MYBPHL: variants seen among roughly 807,000 people sequenced by gnomAD.
MYBPHL encodes myosin-binding protein H-like.
A neutral mutation model predicts 39.5 loss-of-function variants in MYBPHL; 32 were observed. The observed-to-expected ratio is 0.81, with a 90% CI of 0.61 to 1.09. The LOEUF (loss-of-function observed/expected upper bound fraction) is 1.09, where lower values mean the gene tolerates loss of function less well. MYBPHL is among the 50% of genes least tolerant of loss of function. The probability of loss-of-function intolerance (pLI) is 0.00; values close to 1 mark genes in which losing one functional copy is unlikely to be tolerated. For missense variants in MYBPHL, 456 were observed against 460.2 expected, an observed-to-expected ratio of 0.99 and a Z score of 0.08; for synonymous variants, 196 against 183.7, an observed-to-expected ratio of 1.07 and a Z score of -0.54.
In MYBPHL at chr1:109,296,361, T is replaced by G. The variant is rs1263627101; in HGVS notation, c.740A>C (p.Tyr247Ser). 6 of 1,613,916 alleles carry G rather than the reference T, an allele frequency of 3.7e-6. No homozygotes were observed. The South Asian group carries it at 6.6e-5, about 18-fold the overall frequency. ...LAHIQKAATV[Y>S]KTKGFAQRDF... is the part of the protein sequence containing the mutation. ...TCGTTGGGCAAACCCCTTGGTCTTG[T>G]AAACAGTAGCTGAGGGCACCAAGAG... Residue 247 changes from tyrosine to serine, a missense_variant, in exon 6 of 9, where the codon TAC (tyrosine) becomes TCC (serine). Tyr to Ser is a moderately radical substitution (Grantham distance 144, BLOSUM62 -2). Transcript: ENST00000357155.
intron 8 of MYBPHL, chr1:109,292,968 T>C (rs1485255778): frequency 6.6e-6 from 1 of 152,234 alleles, no homozygotes; most frequent in Non-Finnish European, 1.5e-5. Context: ...TGAGCTGAGC[T>C]GTCTTTTGCC....
At chr1:109,298,601 GGT>G (rs1658172771) in intron 1 of MYBPHL, among the ~76,000 whole-genome samples, 1 of 152,074 alleles carries the variant, frequency 6.6e-6, no homozygotes, top group Non-Finnish European at 1.5e-5. Context: ...AGACCAGCCT[GGT>G]CTGTGTGGTT....
intron 1 of MYBPHL, among the ~76,000 whole-genome samples, chr1:109,301,005 T>C (rs1482390997): frequency 6.6e-6 from 1 of 151,874 alleles, no homozygotes; most frequent in East Asian, 1.9e-4. Context: ...CAGGAGAGAG[T>C]GTGGCAGCTT....
At chr1:109,293,151 T>G (rs1267641839) in intron 8 of MYBPHL, 2 of 152,162 alleles carry the variant, frequency 1.3e-5, no homozygotes, top group Non-Finnish European at 2.9e-5. Flanking sequence ...GTTTACTCAG[T>G]CAGCAGGAGC....
chr1:109,296,986 G>T (rs1329051370), intron 4 of MYBPHL, 44 bp from the exon 5 acceptor site: 1 of 1,613,816 alleles, frequency 6.2e-7, no homozygotes. Flanking sequence ...ACCCCATGTG[G>T]AGCTACCAGA....
chr1:109,305,929 A>AT (rs1658449989), intron 1 of MYBPHL, among the ~76,000 whole-genome samples: 1 of 152,220 alleles, frequency 6.6e-6, no homozygotes, highest in South Asian at 2.1e-4. Context: ...TGATAGGTAG[A>AT]TGTTATTAAT....
intron 1 of MYBPHL, among the ~76,000 whole-genome samples, chr1:109,302,712 T>C (rs1333190954): frequency 6.6e-6 from 1 of 152,200 alleles, no homozygotes; most frequent in African/African-American, 2.4e-5. Flanking sequence ...GTGGCCATTC[T>C]CTAGACCAAG....
Position 109,297,572 on chromosome 1 carries a change from A to G in MYBPHL, c.280T>C (p.Leu94=), listed in dbSNP as rs1430588185. 1 of 1,613,772 alleles carries G rather than the reference A, an allele frequency of 6.2e-7. No individual in the cohort carries two copies. Among genetic ancestry groups the G allele is most frequent in the Non-Finnish European group, 8.5e-7 (1 of 1,180,034 alleles). The change falls in exon 3 of 9, where the codon TTG becomes CTG. Residue 94 remains leucine (L), a synonymous_variant. Coordinates refer to ENST00000357155, the MANE Select transcript of MYBPHL (RefSeq NM_001010985.3). The stretch of plus-strand genomic sequence containing the variant: ...CGCACACTCACACGCCTGGTGTCCA[A>G]GGCACAGCCATCATGTGTCCAGATG... ...QAIWTHDGCA[L]DTRRVSVRNG...
intron 2 of MYBPHL, 90 bp from the exon 3 acceptor site, chr1:109,297,707 A>G: frequency 7.3e-6 from 9 of 1,226,800 alleles, no homozygotes; most frequent in Non-Finnish European, 9.0e-6. Flanking sequence ...CCAGGTCCAC[A>G]GGGAGGCTTG....
At chr1:109,296,579 C>T (rs1301586325) in intron 5 of MYBPHL, among the ~76,000 whole-genome samples, 1 of 152,008 alleles carries the variant, frequency 6.6e-6, no homozygotes, top group Non-Finnish European at 1.5e-5. Context: ...GCTGGGAGTA[C>T]AGGCGTGCAC....
intron 1 of MYBPHL, among the ~76,000 whole-genome samples, chr1:109,304,066 G>A (rs1454584424): frequency 6.6e-6 from 1 of 152,184 alleles, no homozygotes; most frequent in African/African-American, 2.4e-5. Context: ...CTTCCTACCC[G>A]AAGCACGTTC....
chr1:109,299,232 A>G (rs902617221), intron 1 of MYBPHL, among the ~76,000 whole-genome samples: 1 of 152,168 alleles, frequency 6.6e-6, no homozygotes, highest in African/African-American at 2.4e-5. Flanking sequence ...AGAATGTGAT[A>G]GTGCTTCAGT....
chr1:109,296,733 C>T (rs767823694), intron 5 of MYBPHL, 50 bp downstream of exon 5: 1 of 1,609,102 alleles, frequency 6.2e-7, no homozygotes, highest in Non-Finnish European at 8.5e-7. Flanking sequence ...GCCACTGTGC[C>T]CGGCCTATCC....
rs769017000 is a variant in MYBPHL, at chr1:109,306,979, T to C, written c.13A>G (p.Thr5Ala). 6.2e-7 allele frequency: 1 copy of C among 1,610,910 alleles called. No individual in the cohort carries two copies. Among genetic ancestry groups the C allele is most frequent in the East Asian group, 2.2e-5 (1 of 44,474 alleles). Residue 5 changes from threonine (T) to alanine (A), a missense_variant, in exon 1 of 9, where the codon ACA becomes GCA. Transcript: ENST00000357155. MEAA[T>A]APEVAAGSKL... ...GATCCTGCGGCCACCTCCGGAGCTG[T>C]GGCTGCCTCCATGCTGGGCCTTCCC...
At chr1:109,298,091 G>T in intron 2 of MYBPHL, 78 bp downstream of exon 2, 1 of 1,231,078 alleles carries the variant, frequency 8.1e-7, no homozygotes. Flanking sequence ...CTGCTAGCAG[G>T]ACTCTTGGTA....
At chr1:109,306,814 G>T (rs978616166) in intron 1 of MYBPHL, 33 bp downstream of exon 1, 6 of 1,531,298 alleles carry the variant, frequency 3.9e-6, no homozygotes, top group African/African-American at 1.4e-5. Flanking sequence ...CCACCACCCG[G>T]CCTCCCCACC....
At chr1:109,296,184 G>T (rs1330390313) in intron 6 of MYBPHL, 50 bp downstream of exon 6, 4 of 1,601,698 alleles carry the variant, frequency 2.5e-6, no homozygotes, top group Non-Finnish European at 3.4e-6. Flanking sequence ...GTTAGGACAG[G>T]CAGGAACAAG....
chr1:109,293,322 A>T (rs1657930371), intron 8 of MYBPHL, among the ~76,000 whole-genome samples: 1 of 152,206 alleles, frequency 6.6e-6, no homozygotes. Context: ...ACTCTTCTTC[A>T]GAGGACCATT....
chr1:109,299,389 C>G (rs367914809), intron 1 of MYBPHL, among the ~76,000 whole-genome samples: 4 of 152,222 alleles, frequency 2.6e-5, no homozygotes, highest in African/African-American at 9.6e-5. Context: ...AAATACTTCC[C>G]TGAGCATTCA....
Sources: gnomAD v4.1 joint callset for allele counts (sites outside exome capture counted in the v4.1 genomes callset) on GRCh38, gnomAD v4.1.1 for gene constraint, MANE v1.5 for transcripts, NCBI Gene and HGNC (gene_info 2026-07-23, HGNC 2026-07-21) for gene names.